The following NSD2 variants were observed in gnomAD, a reference collection of about 807,000 sequenced individuals.
The protein encoded by NSD2 is histone-lysine N-methyltransferase NSD2.
NSD2 carries 12 observed loss-of-function variants against 139.0 expected under a neutral mutation model. The ratio of observed to expected loss-of-function variants is 0.09; its 90% confidence interval spans 0.06 to 0.14. NSD2 has a LOEUF of 0.14. Among genes scored for constraint, NSD2 ranks in the 10% least tolerant of loss-of-function variants. NSD2 has a pLI of 1.00. For missense variants in NSD2, 1,155 were observed against 1,745.0 expected (o/e 0.66, Z 6.02); for synonymous variants, 669 against 648.7 (o/e 1.03, Z -0.48).
At chr4:1,952,291 CT>C in intron 11 of NSD2, 60 bp downstream of exon 11, 2 of 1,603,222 alleles carry the variant, frequency 1.2e-6, no homozygotes, top group South Asian at 1.1e-5. Flanking sequence ...CTGCAACCCC[CT>C]GCACCAAGTC....
At position 1,982,132 on chromosome 4, in the gene NSD2, T is replaced by C; in HGVS notation, c.*3223T>C. Reference sequence around the variant, plus strand: ...AGTTGGGGGAAAATAGCATTTAAAATGGAAAGCTGTGTTTGGAAAATTGTG... The same window carrying C: ...AGTTGGGGGAAAATAGCATTTAAAACGGAAAGCTGTGTTTGGAAAATTGTG... On this transcript the variant is annotated 3_prime_UTR_variant, in exon 22 of 22. Transcript: ENST00000508803. 1 of 395,272 alleles carries C rather than the reference T, an allele frequency of 2.5e-6. No individual in the cohort carries two copies. Among genetic ancestry groups the C allele is most frequent in the African/African-American group, 2.1e-5 (1 of 48,724 alleles). The allele number at this position is 395,272 out of a possible 1,614,324, so 24.5% of individuals were successfully genotyped here.
In NSD2 at chr4:1,967,070, A is replaced by T. The variant is rs78808211; in HGVS notation, c.3372+5919A>T. ...AAAGAGAAAAGACTCACATAACTAA[A>T]ATCAGAACTGGGTGTGTGAAGACAT... On this transcript the variant is annotated intron_variant, in intron 18 of 21. Coordinates refer to ENST00000508803, the MANE Select transcript of NSD2 (RefSeq NM_001042424.3). 6.3e-3 allele frequency among the ~76,000 whole-genome samples: 965 copies of T among 152,310 alleles called. 8 individuals carry two copies. Among genetic ancestry groups the T allele is most frequent in the Non-Finnish European group, 0.01 (703 of 68,024 alleles).
chr4:1,959,195 G>A lies in NSD2; in HGVS notation c.2986-276G>A, dbSNP rs189166474. Among the ~76,000 whole-genome samples the A allele has an allele frequency of 1.1e-4, 16 of 152,280 alleles. No homozygotes were observed. In the South Asian group the frequency reaches 2.1e-3, roughly 20 times the overall value. ...ATCTTACAATGGCCTGGCTGGATAC[G>A]TGTCAGCTCTTGTTCATCAGCGATG... On this transcript the variant is annotated intron_variant, in intron 16 of 21. Coordinates refer to ENST00000508803, the MANE Select transcript of NSD2 (RefSeq NM_001042424.3).
In NSD2 at chr4:1,955,847, C is replaced by T; in HGVS notation, c.2673C>T (p.Tyr891=). The T allele has an allele frequency of 6.2e-7, 1 of 1,613,856 alleles. No individual in the cohort carries two copies. Among genetic ancestry groups the T allele is most frequent in the Non-Finnish European group, 8.5e-7 (1 of 1,179,726 alleles). Reference sequence around the variant, plus strand: ...TCATTTGGGTGAAACTTGGGAACTACAGGTGTGAGACATAGAATCGTATGC... The same window carrying T: ...TCATTTGGGTGAAACTTGGGAACTATAGGTGTGAGACATAGAATCGTATGC... ...QDIIWVKLGN[Y]RWWPAEVCHP... is the part of the protein sequence containing the mutation. The change falls in exon 14 of 22, where the codon TAC becomes TAT. Residue 891 remains tyrosine (Y), a splice_region_variant and synonymous_variant. Transcript: ENST00000508803. The surrounding 1 kb of genome is among the most constrained non-coding windows in gnomAD (Gnocchi z 4.7).
At position 1,956,817 on chromosome 4, in the gene NSD2, T is replaced by C. The variant is rs1724855266; in HGVS notation, c.2881+629T>C. 6.6e-6 allele frequency among the ~76,000 whole-genome samples: 1 copy of C among 152,244 alleles called. No individual in the cohort carries two copies. Among genetic ancestry groups the C allele is most frequent in the African/African-American group, 2.4e-5 (1 of 41,464 alleles). On this transcript the variant is annotated intron_variant, in intron 15 of 21. Coordinates refer to ENST00000508803, the MANE Select transcript of NSD2 (RefSeq NM_001042424.3). This position sits in a 1 kb window ranked among gnomAD's most constrained non-coding sequence, Gnocchi z 5.3. ...GTTCAGGGAGAAGCACACGCTGTGT[T>C]GCAGCCGGGTCAGTGCTGGCTCCTG...
At position 1,939,638 on chromosome 4, in the gene NSD2, C is replaced by T. The variant is rs1336243491; in HGVS notation, c.1757-16C>T. The T allele has an allele frequency of 6.2e-7, 1 of 1,613,410 alleles. No individual in the cohort carries two copies. The highest frequency in any genetic ancestry group is 8.5e-7 in the Non-Finnish European group (1 of 1,179,422). On this transcript the variant is annotated splice_polypyrimidine_tract_variant and intron_variant, in intron 8 of 21. Coordinates refer to ENST00000508803, the MANE Select transcript of NSD2 (RefSeq NM_001042424.3). ...GTTTATGATTTGAAACTTTACAAAC[C>T]AAAATTATTTTACAGCAACGAAAAA...
chr4:1,971,841 A>C (rs1726515481), intron 18 of NSD2, among the ~76,000 whole-genome samples: 1 of 152,260 alleles, frequency 6.6e-6, no homozygotes, highest in Admixed American at 6.5e-5. Flanking sequence ...CCAGAAAATC[A>C]TTTGAGAAAA....
rs555168290 is a variant in NSD2 at position 1,872,054 on chromosome 4, C to T, written c.-30+512C>T. ...GGGCAGGTTGGGGTCCCGGGGCCGG[C>T]GCCGGGGCCAGGGGTCGGGCCGAGG... On this transcript the variant is annotated intron_variant, in intron 1 of 21. Transcript: ENST00000508803. 4.6e-5 allele frequency among the ~76,000 whole-genome samples: 7 copies of T among 151,556 alleles called. No individual in the cohort carries two copies. The South Asian group carries it at 1.5e-3, about 31-fold the overall frequency.
intron 7 of NSD2, among the ~76,000 whole-genome samples, chr4:1,936,634 C>T (rs1722431561): frequency 1.4e-5 from 2 of 144,374 alleles, no homozygotes; most frequent in Admixed American, 1.4e-4. Context: ...CGCCACTGCA[C>T]TCCAGCCTGG....
intron 5 of NSD2, among the ~76,000 whole-genome samples, chr4:1,922,845 G>A (rs1720340239): frequency 6.6e-6 from 1 of 152,240 alleles, no homozygotes; most frequent in South Asian, 2.1e-4. Flanking sequence ...AGAATTGCTT[G>A]AACCTGATAG....
In NSD2 at chr4:1,942,057, G is replaced by GT; in HGVS notation, c.1881+2282dup. 2 of 1,158,164 alleles carry GT rather than the reference G, an allele frequency of 1.7e-6. No homozygotes were observed. The highest frequency in any genetic ancestry group is 2.8e-5 in the South Asian group (1 of 36,106). The allele number at this position is 1,158,164 out of a possible 1,614,324, so 71.7% of individuals were successfully genotyped here. A position where few individuals can be genotyped will look rare whatever the true frequency, so the allele number is the denominator to read the frequency against. Reference sequence around the variant, plus strand: ...GTATTTCCTCCCTTTCATCACATTTGTTTGAAATAAGGTACTTTTATAGGG... The same window carrying GT: ...GTATTTCCTCCCTTTCATCACATTTGTTTTGAAATAAGGTACTTTTATAGGG... On this transcript the variant is annotated intron_variant, in intron 9 of 21. Coordinates refer to ENST00000508803, the MANE Select transcript of NSD2 (RefSeq NM_001042424.3). The surrounding 1 kb of genome is among the most constrained non-coding windows in gnomAD (Gnocchi z 4.0).
intron 15 of NSD2, among the ~76,000 whole-genome samples, chr4:1,957,557 C>T (rs1468241915): frequency 2.6e-5 from 4 of 150,984 alleles, no homozygotes; most frequent in African/African-American, 4.9e-5. Context: ...CAAAGTGCTT[C>T]GATTACAGGC....
At chr4:1,871,887 G>C (rs1713803025) in intron 1 of NSD2, among the ~76,000 whole-genome samples, 1 of 147,432 alleles carries the variant, frequency 6.8e-6, no homozygotes, top group Non-Finnish European at 1.5e-5. Flanking sequence ...GCGGGCGGGC[G>C]CGGCCATGTT....
intron 18 of NSD2, among the ~76,000 whole-genome samples, chr4:1,969,434 G>C (rs926045493): frequency 6.6e-6 from 1 of 152,094 alleles, no homozygotes; most frequent in South Asian, 2.1e-4. Context: ...GTGCAATGGC[G>C]TGTGCCTATA....
rs1727819103 is a variant in NSD2 at position 1,982,053 on chromosome 4, G to C, written c.*3144G>C. 2 of 397,652 alleles carry C rather than the reference G, an allele frequency of 5.0e-6. No homozygotes were observed. The highest frequency in any genetic ancestry group is 2.1e-5 in the African/African-American group (1 of 48,608). The allele number at this position is 397,652 out of a possible 1,614,324, so 24.6% of individuals were successfully genotyped here. On this transcript the variant is annotated 3_prime_UTR_variant, in exon 22 of 22. Coordinates refer to ENST00000508803, the MANE Select transcript of NSD2 (RefSeq NM_001042424.3). ...GTTTGATAGTTAGACTTAAAAACTT[G>C]AAATTCACTTTTTGGGGGGAGGGAT...
intron 18 of NSD2, among the ~76,000 whole-genome samples, chr4:1,968,856 A>G (rs951037139): frequency 6.6e-6 from 1 of 152,264 alleles, no homozygotes; most frequent in Non-Finnish European, 1.5e-5. Context: ...TCCTAAAGGT[A>G]GTGTTCAAAG....
At position 1,919,925 on chromosome 4, in the gene NSD2, A is replaced by G. The variant is rs116176068; in HGVS notation, c.1410+1302A>G. 4.7e-3 allele frequency among the ~76,000 whole-genome samples: 720 copies of G among 151,844 alleles called. 4 individuals are homozygous for G. Among genetic ancestry groups the G allele is most frequent in the African/African-American group, 0.016 (673 of 41,390 alleles). ...CACTCCAGCCTGGCGACAGAATGAG[A>G]CGCCGTCTCAAAAAAAAAGGAAAAA... is the stretch of plus-strand genomic sequence containing the variant. On this transcript the variant is annotated intron_variant, in intron 5 of 21. Coordinates refer to ENST00000508803, the MANE Select transcript of NSD2 (RefSeq NM_001042424.3).
At chr4:1,884,937 T>C (rs1283653850) in intron 1 of NSD2, among the ~76,000 whole-genome samples, 1 of 151,462 alleles carries the variant, frequency 6.6e-6, no homozygotes, top group African/African-American at 2.4e-5. Flanking sequence ...GGAGAAACCC[T>C]GTCTCTACTA....
intron 3 of NSD2, among the ~76,000 whole-genome samples, chr4:1,906,490 T>C (rs1254087823): frequency 1.3e-5 from 2 of 151,966 alleles, no homozygotes; most frequent in Non-Finnish European, 2.9e-5. Context: ...TCCGCTTGCC[T>C]CGGCCTCCCA....
Sources: gnomAD v4.1 joint callset for allele counts (sites outside exome capture counted in the v4.1 genomes callset) on GRCh38, gnomAD v4.1.1 for gene constraint, Gnocchi (gnomAD v3.1) non-coding constraint, MANE v1.5 for transcripts, NCBI Gene and HGNC (gene_info 2026-07-23, HGNC 2026-07-21) for gene names.